The following CNTNAP2 variants were observed in gnomAD, a reference collection of about 807,000 sequenced individuals.
CNTNAP2 encodes contactin-associated protein-like 2.
In CNTNAP2, 98 loss-of-function variants were observed where a neutral mutation model predicts 155.2. The observed-to-expected ratio is 0.63, with a 90% confidence interval of 0.54 to 0.75. The LOEUF (loss-of-function observed/expected upper bound fraction) is 0.75. Ranked by LOEUF, CNTNAP2 falls within the 30% of genes least tolerant of loss-of-function variation. CNTNAP2 has a pLI of 0.00. For synonymous variants in CNTNAP2, 651 were observed against 631.2 expected, an observed-to-expected ratio of 1.03 and a Z score of -0.47; for missense variants, 1,727 against 1,688.1, an observed-to-expected ratio of 1.02 and a Z score of -0.40.
At chr7:146,550,570 C>T (rs564023985) in intron 1 of CNTNAP2, among the ~76,000 whole-genome samples, 1 of 151,782 alleles carries the variant, frequency 6.6e-6, no homozygotes, top group East Asian at 1.9e-4. Flanking sequence ...CTATTTTTCC[C>T]TTTCCTTTTT....
At chr7:147,837,988 G>C (rs931831381) in intron 13 of CNTNAP2, among the ~76,000 whole-genome samples, 1 of 152,182 alleles carries the variant, frequency 6.6e-6, no homozygotes, top group Non-Finnish European at 1.5e-5. Flanking sequence ...TTTCTGCCTG[G>C]ACATCCAGGC....
intron 15 of CNTNAP2, among the ~76,000 whole-genome samples, chr7:148,089,413 T>G (rs1300556829): frequency 6.6e-6 from 1 of 151,874 alleles, no homozygotes; most frequent in Non-Finnish European, 1.5e-5. Context: ...TCATAAAGAC[T>G]CCATGAAAAA....
At chr7:147,710,694 A>G (rs1796389726) in intron 13 of CNTNAP2, among the ~76,000 whole-genome samples, 1 of 152,206 alleles carries the variant, frequency 6.6e-6, no homozygotes, top group Non-Finnish European at 1.5e-5. Flanking sequence ...TGCTCTAAAA[A>G]TGTTGAATGA....
chr7:147,957,155 G>GAA (rs977078878), intron 14 of CNTNAP2, among the ~76,000 whole-genome samples: 1 of 152,194 alleles, frequency 6.6e-6, no homozygotes, highest in African/African-American at 2.4e-5. Context: ...AAAGTGACCA[G>GAA]AAATAAGTTA....
chr7:146,168,153 C>T (rs951309149), intron 1 of CNTNAP2, among the ~76,000 whole-genome samples: 1 of 152,112 alleles, frequency 6.6e-6, no homozygotes, highest in Non-Finnish European at 1.5e-5. Context: ...TCTGCCTATT[C>T]CAGTCCACTG....
intron 4 of CNTNAP2, among the ~76,000 whole-genome samples, chr7:147,101,224 T>C (rs1277008852): frequency 6.6e-6 from 1 of 152,206 alleles, no homozygotes; most frequent in Non-Finnish European, 1.5e-5. Flanking sequence ...CTGAAGAACC[T>C]GGCTTTTGAT....
At chr7:146,963,106 C>G (rs575972456) in intron 3 of CNTNAP2, 2 of 152,154 alleles carry the variant, frequency 1.3e-5, no homozygotes, top group South Asian at 4.1e-4. Context: ...TACCTCACCA[C>G]GGAGGACTGA....
intron 3 of CNTNAP2, among the ~76,000 whole-genome samples, chr7:147,017,360 A>T (rs980438642): frequency 1.1e-5 from 1 of 91,352 alleles, no homozygotes; most frequent in African/African-American, 7.2e-5. Context: ...CCATTTGAAA[A>T]TACTGCATTT....
intron 15 of CNTNAP2, among the ~76,000 whole-genome samples, chr7:147,993,573 A>G (rs1043108879): frequency 6.6e-6 from 1 of 152,210 alleles, no homozygotes. Flanking sequence ...GTCGATAAGA[A>G]AGCAAACTTT....
intron 1 of CNTNAP2, among the ~76,000 whole-genome samples, chr7:146,338,308 G>A (rs1264444250): frequency 6.6e-6 from 1 of 152,090 alleles, no homozygotes; most frequent in South Asian, 2.1e-4. Context: ...GGATCTAGGA[G>A]CCAAGAACTA....
intron 1 of CNTNAP2, among the ~76,000 whole-genome samples, chr7:146,171,519 G>T (rs1036003228): frequency 1.3e-5 from 2 of 152,006 alleles, no homozygotes; most frequent in African/African-American, 4.8e-5. Flanking sequence ...ATCATTATAG[G>T]TTCAAGGTTT....
At chr7:148,144,843 T>C (rs530209939) in intron 16 of CNTNAP2, among the ~76,000 whole-genome samples, 2 of 152,338 alleles carry the variant, frequency 1.3e-5, no homozygotes, top group African/African-American at 4.8e-5. Context: ...AAGTGTCTTT[T>C]ATGCTGTCTC....
chr7:147,300,035 A>C, intron 8 of CNTNAP2, 106 bp from the exon 9 acceptor site: 1 of 1,255,486 alleles, frequency 8.0e-7, no homozygotes, highest in Non-Finnish European at 1.1e-6. Flanking sequence ...TGTATTTTCC[A>C]AGAGAAAAAT....
intron 1 of CNTNAP2, among the ~76,000 whole-genome samples, chr7:146,201,601 T>C (rs1046568709): frequency 6.6e-6 from 1 of 151,342 alleles, no homozygotes; most frequent in East Asian, 1.9e-4. Context: ...GAAGAAAAAA[T>C]TCCAAATGAA....
At chr7:146,804,246 G>A (rs1351774833) in intron 2 of CNTNAP2, among the ~76,000 whole-genome samples, 1 of 152,072 alleles carries the variant, frequency 6.6e-6, no homozygotes, top group Non-Finnish European at 1.5e-5. Context: ...AGCAAAAACC[G>A]ACTGATATTA....
At chr7:146,824,499 T>C (rs1338836867) in intron 2 of CNTNAP2, among the ~76,000 whole-genome samples, 3 of 152,124 alleles carry the variant, frequency 2.0e-5, no homozygotes, top group Non-Finnish European at 2.9e-5. Flanking sequence ...TTTTCACTCC[T>C]ACCAACAGTG....
intron 2 of CNTNAP2, among the ~76,000 whole-genome samples, chr7:146,787,057 T>G (rs1449275980): frequency 6.6e-6 from 1 of 152,236 alleles, no homozygotes; most frequent in African/African-American, 2.4e-5. Context: ...CTCTAGCCAG[T>G]GTCTGGCACA....
At position 147,464,542 on chromosome 7, in the gene CNTNAP2, T is replaced by A. The variant is rs897966395; in HGVS notation, c.1671-21393T>A. On this transcript the variant is annotated intron_variant, in intron 10 of 23. Coordinates refer to ENST00000361727, the MANE Select transcript of CNTNAP2 (RefSeq NM_014141.6). ...TGTGTCACAAATGTGCTATGTGACC[T>A]TGAGCACTCTTAATATCATGGAATT... Among the ~76,000 whole-genome samples the A allele has an allele frequency of 1.1e-4, 17 of 151,668 alleles. 1 individual carries two copies. The highest frequency in any genetic ancestry group is 3.6e-4 in the African/African-American group (15 of 41,280).
chr7:147,546,784 C>A (rs527276433), intron 11 of CNTNAP2, among the ~76,000 whole-genome samples: 3 of 152,176 alleles, frequency 2.0e-5, no homozygotes, highest in African/African-American at 7.2e-5. Flanking sequence ...TGAAACACAT[C>A]GCAGATCTTT....
Sources: gnomAD v4.1 joint callset for allele counts (sites outside exome capture counted in the v4.1 genomes callset) on GRCh38, gnomAD v4.1.1 for gene constraint, MANE v1.5 for transcripts, NCBI Gene and HGNC (gene_info 2026-07-23, HGNC 2026-07-21) for gene names.